ZNF862: variants seen among roughly 807,000 people sequenced by gnomAD.
The protein encoded by ZNF862 is zinc finger protein 862.
A neutral mutation model predicts 91.1 loss-of-function variants in ZNF862; 64 were observed. The ratio of observed to expected loss-of-function variants is 0.70; its 90% CI spans 0.57 to 0.87. The LOEUF is 0.87. Among genes scored for constraint, ZNF862 ranks in the 40% least tolerant of loss-of-function variants. ZNF862 has a pLI of 0.00. For synonymous variants in ZNF862, 631 were observed against 618.1 expected, an observed-to-expected ratio of 1.02 and a Z score of -0.31; for missense variants, 1,459 against 1,528.0, an observed-to-expected ratio of 0.95 and a Z score of 0.75.
chr7:149,853,808 C>T (rs957539294), intron 5 of ZNF862, among the ~76,000 whole-genome samples: 1 of 151,954 alleles, frequency 6.6e-6, no homozygotes, highest in Admixed American at 6.6e-5. Flanking sequence ...CGTAGTGGCA[C>T]ACACCCTTAG....
intron 5 of ZNF862, chr7:149,859,164 G>GT: frequency 1.9e-6 from 1 of 536,338 alleles, no homozygotes; most frequent in Non-Finnish European, 3.4e-6. Flanking sequence ...GTTTCTTCCT[G>GT]TTTCCACCCT....
Position 149,864,418 on chromosome 7 carries a change from T to TC in ZNF862, c.*137dup. On this transcript the variant is annotated 3_prime_UTR_variant, in exon 8 of 8. Coordinates refer to ENST00000223210, the MANE Select transcript of ZNF862 (RefSeq NM_001099220.3). ...AAGCACCAGGAAGTGGGCAGTGGCA[T>TC]CCCAGAGCAGCAGGGGTATCAGGAG... 1 of 913,192 alleles carries TC rather than the reference T, an allele frequency of 1.1e-6. No individual in the cohort carries two copies. 56.6% of individuals were successfully genotyped at this position (913,192 alleles called of 1,614,324 possible).
At chr7:149,849,098 G>C (rs1350033481) in intron 4 of ZNF862, among the ~76,000 whole-genome samples, 1 of 152,178 alleles carries the variant, frequency 6.6e-6, no homozygotes, top group Admixed American at 6.5e-5. Flanking sequence ...ACCACTCCTG[G>C]CTAGTATTTT....
At position 149,861,411 on chromosome 7, in the gene ZNF862, C is replaced by A. The variant is rs753334273; in HGVS notation, c.2251C>A (p.Arg751Ser). Reference sequence around the variant, plus strand: ...GGTGAAGAAGTGTGACCGGCACATCCGCACCGTCTTCAAGTTTTATCAGTC... The same window carrying A: ...GGTGAAGAAGTGTGACCGGCACATCAGCACCGTCTTCAAGTTTTATCAGTC... ...DLVKKCDRHI[R>S]TVFKFYQSSN... The change falls in exon 7 of 8, where the codon CGC becomes AGC. Residue 751 changes from arginine to serine, a missense_variant. Transcript: ENST00000223210. This position sits in a 1 kb window ranked among gnomAD's most constrained non-coding sequence, Gnocchi z 6.7. 2 of 1,613,224 alleles carry A rather than the reference C, an allele frequency of 1.2e-6. No individual in the cohort carries two copies. Among genetic ancestry groups the A allele is most frequent in the Admixed American group, 3.3e-5 (2 of 60,034 alleles).
In ZNF862 at chr7:149,850,398, G is replaced by T; in HGVS notation, c.1117+60G>T. ...CCTTTGACTTGGGAAGCCCACAAGGGGAGCTGTGGCTTGTGGTTATCTTCC... is the reference window on the plus strand; with the variant it reads ...CCTTTGACTTGGGAAGCCCACAAGGTGAGCTGTGGCTTGTGGTTATCTTCC... On this transcript the variant is annotated intron_variant, in intron 5 of 7. Coordinates refer to ENST00000223210, the MANE Select transcript of ZNF862 (RefSeq NM_001099220.3). This position sits in a 1 kb window ranked among gnomAD's most constrained non-coding sequence, Gnocchi z 4.2. 6.5e-7 allele frequency: 1 copy of T among 1,528,084 alleles called. No homozygotes were observed. The highest frequency in any genetic ancestry group is 8.8e-7 in the Non-Finnish European group (1 of 1,132,262). 94.7% of individuals were successfully genotyped at this position (1,528,084 alleles called of 1,614,324 possible).
Position 149,838,573 on chromosome 7 carries a change from C to CG in ZNF862, c.-33dup, listed in dbSNP as rs1304994684. On this transcript the variant is annotated 5_prime_UTR_variant, in exon 1 of 8. Transcript: ENST00000223210. Reference sequence around the variant, plus strand: ...GCGGCTGCATCCTCAGGCCAGGCCGCGGGGGGAGGGGGCGGCACGGGCCTC... The same window carrying CG: ...GCGGCTGCATCCTCAGGCCAGGCCGCGGGGGGGAGGGGGCGGCACGGGCCTC... 30 of 1,209,188 alleles carry CG rather than the reference C, an allele frequency of 2.5e-5. No individual in the cohort carries two copies. The highest frequency in any genetic ancestry group is 3.0e-5 in the Non-Finnish European group (29 of 966,936). The allele number at this position is 1,209,188 out of a possible 1,614,324, so 74.9% of individuals were successfully genotyped here.
Position 149,861,957 on chromosome 7 carries a change from C to T in ZNF862, c.2797C>T (p.Gln933Ter). The change falls in exon 7 of 8, where the codon CAG (glutamine) becomes TAG (stop). Residue 933 changes from glutamine (Q) to a stop codon, truncating the protein, a stop_gained. Coordinates refer to ENST00000223210, the MANE Select transcript of ZNF862 (RefSeq NM_001099220.3). LOFTEE classifies it high-confidence loss of function. The surrounding 1 kb of genome is among the most constrained non-coding windows in gnomAD (Gnocchi z 6.7). ...RTVLTGIEYL[Q>*]QRFDADRPPQ... ...AGTCCTGACGGGGATTGAGTACCTC[C>T]AGCAGAGGTTTGACGCAGACCGACC... 3.7e-6 allele frequency: 6 copies of T among 1,613,798 alleles called. No individual in the cohort carries two copies. Among genetic ancestry groups the T allele is most frequent in the East Asian group, 2.2e-5 (1 of 44,838 alleles).
Position 149,866,919 on chromosome 7 carries a change from C to G in ZNF862, c.*2635C>G, listed in dbSNP as rs1375058088. On this transcript the variant is annotated 3_prime_UTR_variant, in exon 8 of 8. Transcript: ENST00000223210. ...TTCAGCCCCTAGTGCTGGAGACCCC[C>G]TTGTTGGAGAGGCTTCCTGTTTATG... is the stretch of plus-strand genomic sequence containing the variant. 6.6e-6 allele frequency: 1 copy of G among 152,222 alleles called. No homozygotes were observed. Among genetic ancestry groups the G allele is most frequent in the Non-Finnish European group, 1.5e-5 (1 of 68,066 alleles). 9.4% of individuals were successfully genotyped at this position (152,222 alleles called of 1,614,324 possible).
intron 1 of ZNF862, chr7:149,841,804 C>T: frequency 1.0e-6 from 1 of 969,204 alleles, no homozygotes; most frequent in Non-Finnish European, 1.2e-6. Flanking sequence ...TTTTTCTGAA[C>T]ATGGTTCTAT....
At chr7:149,862,715 C>G (rs1207522803) in intron 7 of ZNF862, among the ~76,000 whole-genome samples, 4 of 152,234 alleles carry the variant, frequency 2.6e-5, no homozygotes, top group Admixed American at 2.0e-4. Context: ...AGAGAGCGTG[C>G]ATTTCTAGAG....
chr7:149,855,262 T>G lies in ZNF862; in HGVS notation c.1118-4160T>G, dbSNP rs978908836. On this transcript the variant is annotated intron_variant, in intron 5 of 7. Coordinates refer to ENST00000223210, the MANE Select transcript of ZNF862 (RefSeq NM_001099220.3). The surrounding 1 kb of genome is among the most constrained non-coding windows in gnomAD (Gnocchi z 4.1). ...TGTGTTATTCAATCTTTTCTGTAAA[T>G]TTGAAATTATATCAGAGATTTACCA... 6.6e-6 allele frequency among the ~76,000 whole-genome samples: 1 copy of G among 152,186 alleles called. No homozygotes were observed. Among genetic ancestry groups the G allele is most frequent in the African/African-American group, 2.4e-5 (1 of 41,436 alleles).
At position 149,860,851 on chromosome 7, in the gene ZNF862, C is replaced by T. The variant is rs867798028; in HGVS notation, c.1691C>T (p.Ser564Phe). ...NMEHFFNAAY[S>F]IAYHSRPLND... is the part of the protein sequence containing the mutation. ...GAGCACTTTTTCAATGCCGCCTACT[C>T]CATTGCATACCACTCAAGGCCCCTG... Residue 564 changes from serine (S) to phenylalanine (F), a missense_variant, in exon 7 of 8, where the codon TCC becomes TTC. Transcript: ENST00000223210. The T allele has an allele frequency of 6.2e-7, 1 of 1,613,662 alleles. No homozygotes were observed. The highest frequency in any genetic ancestry group is 8.5e-7 in the Non-Finnish European group (1 of 1,179,892).
rs762311817 is a variant in ZNF862 at position 149,862,326 on chromosome 7, A to G, written c.3166A>G (p.Lys1056Glu). The G allele has an allele frequency of 2.5e-6, 4 of 1,613,484 alleles. No individual in the cohort carries two copies. The South Asian group carries it at 4.4e-5, about 18-fold the overall frequency. Residue 1056 changes from lysine to glutamate, a missense_variant, in exon 7 of 8, where the codon AAG becomes GAG. Transcript: ENST00000223210. Reference protein sequence around the residue: ...MNRIRTDERTKLSNEVLNMLM... With the variant: ...MNRIRTDERTELSNEVLNMLM... ...CCGAATCAGGACCGATGAGAGGACC[A>G]AGCTCTCCAACGAGGTGCTCAACAT... is the stretch of plus-strand genomic sequence containing the variant.
chr7:149,846,549 T>G (rs1250598331), intron 3 of ZNF862, among the ~76,000 whole-genome samples: 3 of 152,228 alleles, frequency 2.0e-5, no homozygotes, highest in Non-Finnish European at 1.5e-5. Context: ...TTCTAGTGCT[T>G]AGAACAATAC....
chr7:149,859,363 G>A, intron 5 of ZNF862, 59 bp from the exon 6 acceptor site: 1 of 1,401,708 alleles, frequency 7.1e-7, no homozygotes, highest in Non-Finnish European at 9.9e-7. Context: ...CTAGCTTGAG[G>A]GGGCTACTCG....
In ZNF862 at chr7:149,865,196, C is replaced by T. The variant is rs1859529; in HGVS notation, c.*912C>T. 6.6e-6 allele frequency: 1 copy of T among 152,070 alleles called. No homozygotes were observed. Among genetic ancestry groups the T allele is most frequent in the Non-Finnish European group, 1.5e-5 (1 of 68,012 alleles). 9.4% of individuals were successfully genotyped at this position (152,070 alleles called of 1,614,324 possible). A position where few individuals can be genotyped will look rare whatever the true frequency, so the allele number is the denominator to read the frequency against. ...AGTGAATGAGAGCCTCGAGCTCCCTCAAAGACCTCTGGCTGCAGTGTGGAC... is the reference window on the plus strand; with the variant it reads ...AGTGAATGAGAGCCTCGAGCTCCCTTAAAGACCTCTGGCTGCAGTGTGGAC... On this transcript the variant is annotated 3_prime_UTR_variant, in exon 8 of 8. Transcript: ENST00000223210.
intron 1 of ZNF862, among the ~76,000 whole-genome samples, chr7:149,842,138 T>A (rs1018029430): frequency 2.0e-5 from 3 of 152,160 alleles, no homozygotes; most frequent in Non-Finnish European, 2.9e-5. Context: ...AGAACGTGAA[T>A]CGCGACTTTA....
intron 3 of ZNF862, 27 bp from the exon 4 acceptor site, chr7:149,847,708 C>G (rs780107744): frequency 1.3e-6 from 2 of 1,559,594 alleles, no homozygotes; most frequent in Non-Finnish European, 1.7e-6. Flanking sequence ...GATTTTAAAG[C>G]CAATCCCTTC....
Position 149,865,744 on chromosome 7 carries a change from A to C in ZNF862, c.*1460A>C, listed in dbSNP as rs1774564666. The C allele has an allele frequency of 6.6e-6, 1 of 152,204 alleles. No individual in the cohort carries two copies. The highest frequency in any genetic ancestry group is 6.5e-5 in the Admixed American group (1 of 15,278). The allele number at this position is 152,204 out of a possible 1,614,324, so 9.4% of individuals were successfully genotyped here. On this transcript the variant is annotated 3_prime_UTR_variant, in exon 8 of 8. Coordinates refer to ENST00000223210, the MANE Select transcript of ZNF862 (RefSeq NM_001099220.3). The stretch of plus-strand genomic sequence containing the variant: ...TTTAAACAGGCAGGAAGTGGGCGCC[A>C]TCCATCCCAGCTTGCTTGCTGCCTG...
Sources: allele counts gnomAD v4.1 joint callset (sites outside exome capture counted in the v4.1 genomes callset), GRCh38; gene constraint gnomAD v4.1.1; non-coding constraint Gnocchi (gnomAD v3.1); transcripts MANE v1.5; gene names NCBI Gene and HGNC (gene_info 2026-07-23, HGNC 2026-07-21).